Variants in MARK3 observed in about 807,000 individuals in gnomAD.
The protein encoded by MARK3 is MAP/microtubule affinity-regulating kinase 3.
In MARK3, 46 loss-of-function variants were observed where a neutral mutation model predicts 90.1. The ratio of observed to expected loss-of-function variants is 0.51; its 90% CI spans 0.40 to 0.65. The LOEUF (loss-of-function observed/expected upper bound fraction) is 0.65. Ranked by LOEUF, MARK3 falls within the 30% of genes least tolerant of loss-of-function variation. MARK3 has a pLI of 0.00. For synonymous variants in MARK3, 321 were observed against 332.6 expected (o/e 0.97, Z 0.38); for missense variants, 818 against 947.2 (o/e 0.86, Z 1.79).
intron 5 of MARK3, among the ~76,000 whole-genome samples, chr14:103,452,327 A>G (rs1319469177): frequency 2.6e-5 from 4 of 151,736 alleles, no homozygotes; most frequent in Non-Finnish European, 5.9e-5. Context: ...GAATGTTTTC[A>G]TTTTCTAACA....
intron 14 of MARK3, 42 bp from the exon 15 acceptor site, chr14:103,491,734 TG>T: frequency 6.3e-7 from 1 of 1,593,828 alleles, no homozygotes; most frequent in Non-Finnish European, 8.5e-7. Context: ...TGTAAATTTT[TG>T]TATATCATGT....
intron 4 of MARK3, 120 bp from the exon 5 acceptor site, chr14:103,451,798 C>T (rs1172287955): frequency 1.6e-6 from 1 of 632,114 alleles, no homozygotes; most frequent in African/African-American, 1.9e-5. Flanking sequence ...TTTTAGAGGG[C>T]CAGCTATTAA....
intron 14 of MARK3, among the ~76,000 whole-genome samples, chr14:103,486,847 A>G (rs1005423574): frequency 6.6e-6 from 1 of 152,286 alleles, no homozygotes; most frequent in Admixed American, 6.5e-5. Flanking sequence ...ATGATGTGAC[A>G]TGGATTAAAT....
At chr14:103,407,117 A>G (rs777551054) in intron 2 of MARK3, among the ~76,000 whole-genome samples, 17 of 152,234 alleles carry the variant, frequency 1.1e-4, no homozygotes, top group Non-Finnish European at 2.4e-4. Flanking sequence ...GGCGTGAGCC[A>G]CCACGCCTGG....
intron 14 of MARK3, 69 bp from the exon 15 acceptor site, chr14:103,491,708 A>T (rs1444488798): frequency 6.6e-7 from 1 of 1,525,876 alleles, no homozygotes; most frequent in African/African-American, 1.4e-5. Flanking sequence ...ACTGTGTATA[A>T]AAGGTATATT....
chr14:103,449,036 A>G, intron 4 of MARK3, 69 bp downstream of exon 4: 1 of 1,432,520 alleles, frequency 7.0e-7, no homozygotes, highest in East Asian at 2.4e-5. Flanking sequence ...AAAGCTAAAC[A>G]CGTATTCTAG....
At chr14:103,439,419 G>C (rs1391914260) in intron 3 of MARK3, among the ~76,000 whole-genome samples, 1 of 151,990 alleles carries the variant, frequency 6.6e-6, no homozygotes, top group Non-Finnish European at 1.5e-5. Flanking sequence ...GTGTTTGTTT[G>C]TTTGTTTGTG....
At position 103,385,985 on chromosome 14, in the gene MARK3, G is replaced by T. The variant is rs1191943620; in HGVS notation, c.-45G>T. Reference sequence around the variant, plus strand: ...GTCGCCGGCCTCCTAGGGCTGTGCTGTTTTGTTTTGACCCTCGCATTGTGC... The same window carrying T: ...GTCGCCGGCCTCCTAGGGCTGTGCTTTTTTGTTTTGACCCTCGCATTGTGC... On this transcript the variant is annotated 5_prime_UTR_variant, in exon 1 of 18. Transcript: ENST00000429436. The T allele has an allele frequency of 6.4e-7, 1 of 1,550,788 alleles. No individual in the cohort carries two copies. The highest frequency in any genetic ancestry group is 8.9e-7 in the Non-Finnish European group (1 of 1,122,294).
At chr14:103,433,149 G>C (rs1419602569) in intron 3 of MARK3, among the ~76,000 whole-genome samples, 1 of 146,740 alleles carries the variant, frequency 6.8e-6, no homozygotes, top group East Asian at 2.1e-4. Context: ...GCAGTGGTGT[G>C]ATTTTGGCTC....
At position 103,432,783 on chromosome 14, in the gene MARK3, A is replaced by G. The variant is rs191385463; in HGVS notation, c.297+4343A>G. Among the ~76,000 whole-genome samples, 5 of 152,276 alleles carry G rather than the reference A, an allele frequency of 3.3e-5. No individual in the cohort carries two copies. In the East Asian group the frequency reaches 7.7e-4, roughly 24 times the overall value. On this transcript the variant is annotated intron_variant, in intron 3 of 17. Transcript: ENST00000429436. Reference sequence around the variant, plus strand: ...AGATGGGAGGATCACTTGAGCCTAGAAGTTGGAGGCTGCAGTGAGCTGTGA... The same window carrying G: ...AGATGGGAGGATCACTTGAGCCTAGGAGTTGGAGGCTGCAGTGAGCTGTGA...
chr14:103,432,768 A>G (rs1233355220), intron 3 of MARK3, among the ~76,000 whole-genome samples: 1 of 152,172 alleles, frequency 6.6e-6, no homozygotes, highest in East Asian at 1.9e-4. Context: ...AGATGGGAGG[A>G]TCACTTGAGC....
intron 1 of MARK3, among the ~76,000 whole-genome samples, chr14:103,387,333 C>CT (rs2089886565): frequency 6.6e-6 from 1 of 151,906 alleles, no homozygotes. Context: ...GCTCTGTGGC[C>CT]CTGAGTAAGT....
At chr14:103,501,819 G>A (rs549979739) in intron 17 of MARK3, among the ~76,000 whole-genome samples, 3 of 152,254 alleles carry the variant, frequency 2.0e-5, no homozygotes, top group East Asian at 3.9e-4. Context: ...AGTATCTAAC[G>A]TGGCATTTTA....
intron 6 of MARK3, among the ~76,000 whole-genome samples, chr14:103,458,454 CAAAAAAAAA>C (rs36020485): frequency 1.6e-4 from 5 of 30,776 alleles, no homozygotes; most frequent in Admixed American, 5.2e-4. Context: ...GACTCCATCT[CAAAAAAAAA>C]AAAAAAAAAA....
intron 2 of MARK3, among the ~76,000 whole-genome samples, chr14:103,411,620 T>A (rs1342357462): frequency 1.3e-5 from 2 of 151,842 alleles, no homozygotes; most frequent in Non-Finnish European, 2.9e-5. Context: ...TTCTTTTTTT[T>A]TTCTCTCTCT....
chr14:103,491,920 A>T lies in MARK3; in HGVS notation c.1730A>T (p.Tyr577Phe). ...GQPRERRTATYNGPPASPSLS... is the reference protein window; with the variant it reads ...GQPRERRTATFNGPPASPSLS... Reference sequence around the variant, plus strand: ...CCCCGGGAACGGCGAACCGCAACATATAATGGCCCTCCTGCCTCTCCCAGC... The same window carrying T: ...CCCCGGGAACGGCGAACCGCAACATTTAATGGCCCTCCTGCCTCTCCCAGC... The change falls in exon 15 of 18, where the codon TAT becomes TTT. Residue 577 changes from tyrosine to phenylalanine, a missense_variant. Transcript: ENST00000429436. 1.2e-6 allele frequency: 2 copies of T among 1,614,134 alleles called. No individual in the cohort carries two copies. The highest frequency in any genetic ancestry group is 1.7e-5 in the Admixed American group (1 of 60,008).
In MARK3 at chr14:103,429,887, C is replaced by T. The variant is rs536006662; in HGVS notation, c.297+1447C>T. ...ATGTGTACCTGGATATAATTGTAAT[C>T]CTAACAGTTTTCCCGGAAAAATTTT... is the stretch of plus-strand genomic sequence containing the variant. On this transcript the variant is annotated intron_variant, in intron 3 of 17. Transcript: ENST00000429436. 2.0e-5 allele frequency among the ~76,000 whole-genome samples: 3 copies of T among 152,258 alleles called. No homozygotes were observed. The South Asian group carries it at 6.2e-4, about 32-fold the overall frequency.
rs764451096 is a variant in MARK3 at position 103,465,649 on chromosome 14, G to A, written c.633G>A (p.Thr211=). 29 of 1,614,118 alleles carry A rather than the reference G, an allele frequency of 1.8e-5. No individual in the cohort carries two copies. The South Asian group carries it at 3.1e-4, about 17-fold the overall frequency. The change falls in exon 8 of 18, where the codon ACG becomes ACA. Residue 211 remains threonine (T), a synonymous_variant. Coordinates refer to ENST00000429436, the MANE Select transcript of MARK3 (RefSeq NM_001128918.3). The part of the protein sequence containing the change: ...NEFTVGGKLD[T]FCGSPPYAAP... ...TTACTGTTGGCGGTAAACTCGACAC[G>A]TTTTGTGGCAGTCCTCCATACGCAG...
chr14:103,461,453 A>T (rs933217024), intron 6 of MARK3, among the ~76,000 whole-genome samples: 3 of 152,236 alleles, frequency 2.0e-5, no homozygotes, highest in Admixed American at 6.5e-5. Flanking sequence ...AAATAAAAGC[A>T]TACTATTTAC....
Sources: allele counts gnomAD v4.1 joint callset (sites outside exome capture counted in the v4.1 genomes callset), GRCh38; gene constraint gnomAD v4.1.1; transcripts MANE v1.5; gene names NCBI Gene and HGNC (gene_info 2026-07-23, HGNC 2026-07-21).